ROR1: variants seen among roughly 807,000 people sequenced by gnomAD.
The protein encoded by ROR1 is inactive tyrosine-protein kinase transmembrane receptor ROR1.
Under a neutral mutation model 78.8 loss-of-function variants are expected in ROR1, and 19 were observed. The ratio of observed to expected loss-of-function variants is 0.24; its 90% confidence interval spans 0.17 to 0.35. ROR1 has a LOEUF of 0.35. Ranked by LOEUF, ROR1 falls within the 10% of genes least tolerant of loss-of-function variation. ROR1 has a pLI of 1.00. For synonymous variants in ROR1, 386 were observed against 433.6 expected (o/e 0.89, Z 1.36); for missense variants, 917 against 1,177.8 (o/e 0.78, Z 3.24).
At chr1:63,833,298 G>A (rs541139836) in intron 1 of ROR1, among the ~76,000 whole-genome samples, 1 of 152,346 alleles carries the variant, frequency 6.6e-6, no homozygotes, top group South Asian at 2.1e-4. Context: ...GAAATGGACT[G>A]CCTGAGTGGA....
chr1:63,943,913 C>G (rs1557575124), intron 1 of ROR1, among the ~76,000 whole-genome samples: 1 of 152,290 alleles, frequency 6.6e-6, no homozygotes, highest in African/African-American at 2.4e-5. Flanking sequence ...TCGTCTCTGT[C>G]TTTTCTGCAC....
chr1:64,019,505 G>T (rs1333880320), intron 2 of ROR1, among the ~76,000 whole-genome samples: 1 of 152,150 alleles, frequency 6.6e-6, no homozygotes, highest in Non-Finnish European at 1.5e-5. Flanking sequence ...ATACAGAAAA[G>T]GGTAGATTGA....
chr1:63,934,173 AGATCC>A (rs2100447941), intron 1 of ROR1, among the ~76,000 whole-genome samples: 1 of 152,282 alleles, frequency 6.6e-6, no homozygotes, highest in East Asian at 1.9e-4. Context: ...AACGAGGTCA[AGATCC>A]TGTAGGTGAA....
At chr1:63,971,883 A>ATT (rs1646122376) in intron 1 of ROR1, among the ~76,000 whole-genome samples, 1 of 152,128 alleles carries the variant, frequency 6.6e-6, no homozygotes, top group Non-Finnish European at 1.5e-5. Flanking sequence ...GCAGTTGGAG[A>ATT]GCAGTATATT....
chr1:64,171,985 AT>A (rs1650256001), intron 8 of ROR1, among the ~76,000 whole-genome samples: 1 of 152,200 alleles, frequency 6.6e-6, no homozygotes, highest in African/African-American at 2.4e-5. Flanking sequence ...TTTCAAATGT[AT>A]TGTCACCTAA....
At chr1:64,035,505 T>C (rs1569593049) in intron 2 of ROR1, among the ~76,000 whole-genome samples, 1 of 152,256 alleles carries the variant, frequency 6.6e-6, no homozygotes. Flanking sequence ...TATAACCCTG[T>C]CCTTCTGGTG....
chr1:64,177,446 C>A lies in ROR1; in HGVS notation c.1405C>A (p.Pro469Thr), dbSNP rs781140056. 7 of 1,613,456 alleles carry A rather than the reference C, an allele frequency of 4.3e-6. No individual in the cohort carries two copies. The East Asian group carries it at 8.9e-5, about 21-fold the overall frequency. ...YKPKSKAKEL[P>T]LSAVRFMEEL... The stretch of plus-strand genomic sequence containing the variant: ...CATACAGAGCAAGGCTAAAGAGCTA[C>A]CTCTTTCTGCTGTACGCTTTATGGA... The change falls in exon 9 of 9, where the codon CCT becomes ACT. Residue 469 changes from proline to threonine, a missense_variant. This residue lies in a region of ROR1 where 835 missense variants were observed against 1,069.8 expected (regional missense o/e 0.78). Transcript: ENST00000371079.
intron 1 of ROR1, among the ~76,000 whole-genome samples, chr1:63,984,999 T>C (rs1646239524): frequency 6.6e-6 from 1 of 152,214 alleles, no homozygotes; most frequent in Non-Finnish European, 1.5e-5. Context: ...TTCACAATAC[T>C]GCTTGGACTT....
At chr1:63,951,018 A>G (rs1645930808) in intron 1 of ROR1, among the ~76,000 whole-genome samples, 1 of 152,162 alleles carries the variant, frequency 6.6e-6, no homozygotes, top group African/African-American at 2.4e-5. Flanking sequence ...CAAAAATAAC[A>G]TGTGAAATAA....
rs1465095715 is a variant in ROR1 at position 64,148,251 on chromosome 1, A to C, written c.1174+5601A>C. Among the ~76,000 whole-genome samples, 3 of 152,332 alleles carry C rather than the reference A, an allele frequency of 2.0e-5. No homozygotes were observed. In the East Asian group the frequency reaches 5.8e-4, roughly 29 times the overall value. On this transcript the variant is annotated intron_variant, in intron 7 of 8. Coordinates refer to ENST00000371079, the MANE Select transcript of ROR1 (RefSeq NM_005012.4). ...GGTTAAGTAACATGTGTCCGAGGTCACATGGTTAATAAGAAGTGGACCCAG... is the reference window on the plus strand; with the variant it reads ...GGTTAAGTAACATGTGTCCGAGGTCCCATGGTTAATAAGAAGTGGACCCAG...
Position 64,137,455 on chromosome 1 carries a change from A to G in ROR1, c.569A>G (p.Glu190Gly), listed in dbSNP as rs1171302233. The G allele has an allele frequency of 1.9e-6, 3 of 1,613,800 alleles. No homozygotes were observed. The highest frequency in any genetic ancestry group is 2.7e-5 in the African/African-American group (2 of 74,928). The change falls in exon 5 of 9, where the codon GAG becomes GGG. Residue 190 changes from glutamate to glycine, a missense_variant. Transcript: ENST00000371079. ...ATTGGCAACCGCACCGTCTATATGGAGTCTTTGCACATGCAAGGGGAAATA... is the reference window on the plus strand; with the variant it reads ...ATTGGCAACCGCACCGTCTATATGGGGTCTTTGCACATGCAAGGGGAAATA... ...RFIGNRTVYM[E>G]SLHMQGEIEN...
chr1:63,859,107 T>A (rs2100341670), intron 1 of ROR1, among the ~76,000 whole-genome samples: 1 of 152,248 alleles, frequency 6.6e-6, no homozygotes, highest in South Asian at 2.1e-4. Context: ...GGAGTCCTGG[T>A]GTGTTTCTGT....
chr1:63,818,907 G>A (rs1184964811), intron 1 of ROR1, among the ~76,000 whole-genome samples: 1 of 151,924 alleles, frequency 6.6e-6, no homozygotes, highest in African/African-American at 2.4e-5. Flanking sequence ...TAGAGACTAT[G>A]GTGTGATTTC....
intron 1 of ROR1, among the ~76,000 whole-genome samples, chr1:63,849,703 A>G (rs1645101987): frequency 1.3e-5 from 2 of 152,184 alleles, no homozygotes; most frequent in Non-Finnish European, 1.5e-5. Context: ...TCTCAAAAAA[A>G]TAAATAAAAA....
At chr1:63,788,257 A>G (rs565970776) in intron 1 of ROR1, among the ~76,000 whole-genome samples, 1 of 152,348 alleles carries the variant, frequency 6.6e-6, no homozygotes, top group South Asian at 2.1e-4. Flanking sequence ...GAGAACATTT[A>G]TATCCATTAA....
Position 64,178,876 on chromosome 1 carries a change from G to A in ROR1, c.*21G>A, listed in dbSNP as rs776196317. 4 of 1,568,740 alleles carry A rather than the reference G, an allele frequency of 2.5e-6. No individual in the cohort carries two copies. The South Asian group carries it at 3.4e-5, about 13-fold the overall frequency. ...TGTAAAATGCACAACTTTTGTAAAT[G>A]TGGTATACAGGACAAACTAGACGGC... On this transcript the variant is annotated 3_prime_UTR_variant, in exon 9 of 9. Transcript: ENST00000371079. The surrounding 1 kb of genome is among the most constrained non-coding windows in gnomAD (Gnocchi z 4.3).
chr1:64,123,284 C>T (rs745728459), intron 4 of ROR1, among the ~76,000 whole-genome samples: 2 of 152,172 alleles, frequency 1.3e-5, no homozygotes, highest in African/African-American at 2.4e-5. Flanking sequence ...GTTTGATCCT[C>T]ATGGAGGGAC....
intron 7 of ROR1, among the ~76,000 whole-genome samples, chr1:64,149,515 G>A (rs1649562636): frequency 6.6e-6 from 1 of 152,064 alleles, no homozygotes; most frequent in Admixed American, 6.6e-5. Context: ...TACTCTGAGA[G>A]ACCCTACTGT....
intron 1 of ROR1, among the ~76,000 whole-genome samples, chr1:63,971,173 G>A (rs1646117255): frequency 6.6e-6 from 1 of 152,152 alleles, no homozygotes; most frequent in African/African-American, 2.4e-5. Context: ...AGTGGACTCT[G>A]AATTCTGACT....
Sources: allele counts gnomAD v4.1 joint callset (sites outside exome capture counted in the v4.1 genomes callset), GRCh38; gene constraint gnomAD v4.1.1; regional missense constraint gnomAD v4.1.1; non-coding constraint Gnocchi (gnomAD v3.1); transcripts MANE v1.5; gene names NCBI Gene and HGNC (gene_info 2026-07-23, HGNC 2026-07-21).